The following GALNTL6 variants were observed in gnomAD, a reference collection of about 807,000 sequenced individuals.
The protein encoded by GALNTL6 is polypeptide N-acetylgalactosaminyltransferase-like 6.
A neutral mutation model predicts 73.7 loss-of-function variants in GALNTL6; 46 were observed. That is an observed-to-expected ratio of 0.62 (90% CI 0.49 to 0.80). The LOEUF is 0.80. Ranked by LOEUF, GALNTL6 falls within the 30% of genes least tolerant of loss-of-function variation. The probability of loss-of-function intolerance (pLI) is 0.00; values close to 1 mark genes in which losing one functional copy is unlikely to be tolerated. For missense variants in GALNTL6, 604 were observed against 755.0 expected, an observed-to-expected ratio of 0.80 and a Z score of 2.34; for synonymous variants, 259 against 263.7, an observed-to-expected ratio of 0.98 and a Z score of 0.17.
intron 5 of GALNTL6, among the ~76,000 whole-genome samples, chr4:172,656,667 G>T (rs1164720100): frequency 6.6e-6 from 1 of 152,316 alleles, no homozygotes; most frequent in African/African-American, 2.4e-5. Context: ...CCACTAAAGT[G>T]ACCAATTAAC....
chr4:172,066,382 G>C (rs1188756925), intron 2 of GALNTL6, among the ~76,000 whole-genome samples: 1 of 152,002 alleles, frequency 6.6e-6, no homozygotes, highest in Non-Finnish European at 1.5e-5. Flanking sequence ...CTTTCTCTTA[G>C]CAATATGCAT....
intron 5 of GALNTL6, among the ~76,000 whole-genome samples, chr4:172,473,102 C>T (rs558202875): frequency 6.6e-5 from 10 of 152,226 alleles, no homozygotes; most frequent in Non-Finnish European, 8.8e-5. Context: ...TCAGCCTTTC[C>T]CCACTACACC....
chr4:172,440,798 T>G (rs533704994), intron 5 of GALNTL6, among the ~76,000 whole-genome samples: 1 of 151,896 alleles, frequency 6.6e-6, no homozygotes, highest in South Asian at 2.1e-4. Flanking sequence ...AATAAAGTCT[T>G]AAAAATTGTT....
intron 4 of GALNTL6, among the ~76,000 whole-genome samples, chr4:172,315,933 C>T (rs983360819): frequency 6.6e-6 from 1 of 151,862 alleles, no homozygotes; most frequent in African/African-American, 2.4e-5. Flanking sequence ...AGACATAAGA[C>T]ATCTATTTGA....
At chr4:172,190,461 T>C (rs1735542712) in intron 2 of GALNTL6, among the ~76,000 whole-genome samples, 1 of 152,126 alleles carries the variant, frequency 6.6e-6, no homozygotes, top group Non-Finnish European at 1.5e-5. Flanking sequence ...ATTTGAATTA[T>C]GAGGAGTTTA....
At chr4:172,906,512 C>T (rs1484326317) in intron 8 of GALNTL6, among the ~76,000 whole-genome samples, 3 of 152,180 alleles carry the variant, frequency 2.0e-5, no homozygotes, top group African/African-American at 7.2e-5. Flanking sequence ...TGGGTCAGAA[C>T]TCCAGCATGT....
intron 3 of GALNTL6, among the ~76,000 whole-genome samples, chr4:172,233,854 A>G (rs1013948686): frequency 1.3e-5 from 2 of 152,088 alleles, no homozygotes; most frequent in Non-Finnish European, 2.9e-5. Context: ...CTATGGATAA[A>G]TTAGGAGATA....
At chr4:172,954,167 C>G (rs901896365) in intron 10 of GALNTL6, among the ~76,000 whole-genome samples, 2 of 152,176 alleles carry the variant, frequency 1.3e-5, no homozygotes, top group Non-Finnish European at 2.9e-5. Flanking sequence ...TTCTTCCTAC[C>G]AGTTACTATG....
chr4:172,157,854 C>G (rs2110781365), intron 2 of GALNTL6, among the ~76,000 whole-genome samples: 1 of 152,266 alleles, frequency 6.6e-6, no homozygotes, highest in Admixed American at 6.5e-5. Flanking sequence ...CATCAACATG[C>G]TATCAGATCC....
At chr4:172,137,959 T>A (rs1733681758) in intron 2 of GALNTL6, among the ~76,000 whole-genome samples, 1 of 152,202 alleles carries the variant, frequency 6.6e-6, no homozygotes, top group Non-Finnish European at 1.5e-5. Flanking sequence ...TGCCGAAAGC[T>A]TTGGCAACTG....
intron 11 of GALNTL6, among the ~76,000 whole-genome samples, chr4:173,014,356 G>C (rs1752687239): frequency 6.6e-6 from 1 of 152,228 alleles, no homozygotes; most frequent in African/African-American, 2.4e-5. Flanking sequence ...CCAAGGGAGA[G>C]GAGTGGCGGG....
chr4:172,040,065 A>G (rs1742040583), intron 2 of GALNTL6, among the ~76,000 whole-genome samples: 1 of 152,188 alleles, frequency 6.6e-6, no homozygotes, highest in South Asian at 2.1e-4. Context: ...CATCAATTAT[A>G]GTGTGCAACA....
At chr4:171,923,649 ACCCGCCT>A (rs1309801979) in intron 2 of GALNTL6, among the ~76,000 whole-genome samples, 3 of 147,526 alleles carry the variant, frequency 2.0e-5, no homozygotes, top group Non-Finnish European at 4.5e-5. Flanking sequence ...CTTGTGATCC[ACCCGCCT>A]TGGCCTCCCA....
At chr4:171,861,305 T>C (rs2110879091) in intron 2 of GALNTL6, among the ~76,000 whole-genome samples, 1 of 152,308 alleles carries the variant, frequency 6.6e-6, no homozygotes, top group South Asian at 2.1e-4. Context: ...TAATCTAGTT[T>C]AATAGTCATT....
At chr4:171,950,687 C>T (rs138828983) in intron 2 of GALNTL6, among the ~76,000 whole-genome samples, 9 of 152,064 alleles carry the variant, frequency 5.9e-5, no homozygotes, top group Admixed American at 2.0e-4. Flanking sequence ...ACCATGTCAG[C>T]CAGGCTGGTC....
intron 4 of GALNTL6, among the ~76,000 whole-genome samples, chr4:172,334,044 G>A (rs28862966): frequency 0.018 from 2,800 of 152,196 alleles, 92 homozygotes; most frequent in African/African-American, 0.064. Context: ...CCATTGGTCT[G>A]TGTATCTATT....
intron 5 of GALNTL6, among the ~76,000 whole-genome samples, chr4:172,557,355 A>G (rs1736186391): frequency 6.6e-6 from 1 of 152,172 alleles, no homozygotes. Flanking sequence ...CTTAGATATG[A>G]CACAGAAAAA....
At chr4:172,904,446 C>T (rs1746779621) in intron 8 of GALNTL6, among the ~76,000 whole-genome samples, 1 of 152,186 alleles carries the variant, frequency 6.6e-6, no homozygotes, top group Non-Finnish European at 1.5e-5. Context: ...TAATTTCCTA[C>T]TTGCTAAGTT....
intron 2 of GALNTL6, among the ~76,000 whole-genome samples, chr4:172,218,300 C>A (rs376266313): frequency 2.0e-4 from 31 of 152,018 alleles, no homozygotes; most frequent in African/African-American, 7.2e-4. Flanking sequence ...GGCCTTAGGC[C>A]TTTGTTATGG....
Sources: allele counts gnomAD v4.1 joint callset (sites outside exome capture counted in the v4.1 genomes callset), GRCh38; gene constraint gnomAD v4.1.1; transcripts MANE v1.5; gene names NCBI Gene and HGNC (gene_info 2026-07-23, HGNC 2026-07-21).